The following SPTBN4 variants were observed in gnomAD, a reference collection of about 807,000 sequenced individuals.
The protein encoded by SPTBN4 is spectrin beta chain, non-erythrocytic 4.
In SPTBN4, 96 loss-of-function variants were observed where a neutral mutation model predicts 277.8. The observed-to-expected ratio is 0.35, with a 90% CI of 0.29 to 0.41. The LOEUF (loss-of-function observed/expected upper bound fraction) is 0.41. Ranked by LOEUF, SPTBN4 falls within the 10% of genes least tolerant of loss-of-function variation. SPTBN4 has a pLI of 1.00. For synonymous variants in SPTBN4, 1,481 were observed against 1,580.3 expected (o/e 0.94, Z 1.49); for missense variants, 3,006 against 3,595.7 (o/e 0.84, Z 4.19).
Position 40,549,266 on chromosome 19 carries a change from G to C in SPTBN4, c.4437G>C (p.Glu1479Asp). The C allele has an allele frequency of 6.5e-7, 1 of 1,545,992 alleles. No individual in the cohort carries two copies. The highest frequency in any genetic ancestry group is 1.2e-5 in the South Asian group (1 of 83,910). ...LQAQTAALPL[E>D]PASKELVGER... ...CGCAGACGGCGGCGCTGCCGCTGGA[G>C]CCGGCGAGCAAGGAGCTGGTGGGTG... is the stretch of plus-strand genomic sequence containing the variant. The change falls in exon 21 of 36, where the codon GAG (glutamate) becomes GAC (aspartate). Residue 1479 changes from glutamate to aspartate, a missense_variant. Physicochemically the swap from Glu to Asp is conservative, Grantham distance 45. Around this residue, in one of 5 missense-constraint regions of SPTBN4, gnomAD observed 1,759 missense variants for 2,061.5 expected, o/e 0.85. Transcript: ENST00000598249.
At chr19:40,468,369 C>T (rs2079850008) in intron 1 of SPTBN4, among the ~76,000 whole-genome samples, 1 of 152,242 alleles carries the variant, frequency 6.6e-6, no homozygotes, top group East Asian at 1.9e-4. Flanking sequence ...CGTGAGCCAC[C>T]GCCTGGCCTA....
At chr19:40,520,312 T>C (rs1218288415) in intron 16 of SPTBN4, among the ~76,000 whole-genome samples, 161 bp downstream of exon 16, 1 of 152,088 alleles carries the variant, frequency 6.6e-6, no homozygotes, top group Non-Finnish European at 1.5e-5. Flanking sequence ...ATAACTGAGT[T>C]TGTGGAACAT....
At position 40,504,019 on chromosome 19, in the gene SPTBN4, G is replaced by A. The variant is rs567540866; in HGVS notation, c.1552G>A (p.Ala518Thr). The change falls in exon 12 of 36, where the codon GCC becomes ACC. Residue 518 changes from alanine to threonine, a missense_variant. By Grantham distance (58) the Ala-to-Thr change is moderately conservative. Coordinates refer to ENST00000598249, the MANE Select transcript of SPTBN4 (RefSeq NM_020971.3). ...AQRDSVLRQW[A>T]LLTGLVGARR... The stretch of plus-strand genomic sequence containing the variant: ...GCGTGACAGCGTCCTGCGCCAGTGG[G>A]CCCTGCTAACTGGGCTTGTGGGTGC... 2 of 1,614,028 alleles carry A rather than the reference G, an allele frequency of 1.2e-6. No individual in the cohort carries two copies. The highest frequency in any genetic ancestry group is 2.2e-5 in the South Asian group (2 of 91,086).
In SPTBN4 at chr19:40,565,503, C is replaced by T. The variant is rs755108752; in HGVS notation, c.5996C>T (p.Thr1999Ile). 1 of 1,614,118 alleles carries T rather than the reference C, an allele frequency of 6.2e-7. No homozygotes were observed. Among genetic ancestry groups the T allele is most frequent in the Non-Finnish European group, 8.5e-7 (1 of 1,180,020 alleles). Residue 1999 changes from threonine (T) to isoleucine (I), a missense_variant, in exon 28 of 36, where the codon ACC (threonine) becomes ATC (isoleucine). Physicochemically the swap from Thr to Ile is moderately conservative, Grantham distance 89. This residue lies in a region of SPTBN4 where 425 missense variants were observed against 594.7 expected (regional missense o/e 0.71). Coordinates refer to ENST00000598249, the MANE Select transcript of SPTBN4 (RefSeq NM_020971.3). Reference protein sequence around the residue: ...TELEARVPELTTCQELGRSLL... With the variant: ...TELEARVPELITCQELGRSLL... ...CTGGAGGCGCGGGTGCCTGAGCTGA[C>T]CACCTGCCAGGAGCTGGGGCGATCT...
At chr19:40,541,042 G>A (rs2080796124) in intron 20 of SPTBN4, among the ~76,000 whole-genome samples, 4 of 152,050 alleles carry the variant, frequency 2.6e-5, no homozygotes, top group Non-Finnish European at 5.9e-5. Context: ...ATCTTTCTCA[G>A]TCCGATGGCT....
chr19:40,539,309 G>A (rs189427779), intron 20 of SPTBN4, among the ~76,000 whole-genome samples: 1 of 152,308 alleles, frequency 6.6e-6, no homozygotes, highest in East Asian at 1.9e-4. Context: ...TCCTTGCAAT[G>A]GGAAGGACCT....
chr19:40,557,609 A>G lies in SPTBN4; in HGVS notation c.5670+206A>G, dbSNP rs554237566. Reference sequence around the variant, plus strand: ...ATATAGAAATCAGGTATTGGCAGGGAAAAGTGGTACCTTAGAAGGTCTCAC... The same window carrying G: ...ATATAGAAATCAGGTATTGGCAGGGGAAAGTGGTACCTTAGAAGGTCTCAC... On this transcript the variant is annotated intron_variant, in intron 26 of 35. Coordinates refer to ENST00000598249, the MANE Select transcript of SPTBN4 (RefSeq NM_020971.3). Among the ~76,000 whole-genome samples, 752 of 152,322 alleles carry G rather than the reference A, an allele frequency of 4.9e-3. 9 individuals carry two copies. The highest frequency in any genetic ancestry group is 0.017 in the African/African-American group (721 of 41,578).
chr19:40,500,439 C>G (rs893111951), intron 7 of SPTBN4, among the ~76,000 whole-genome samples: 1 of 152,174 alleles, frequency 6.6e-6, no homozygotes, highest in Non-Finnish European at 1.5e-5. Flanking sequence ...GACATCAAGC[C>G]TTGTGCACAA....
At chr19:40,545,176 A>C (rs986375354) in intron 20 of SPTBN4, among the ~76,000 whole-genome samples, 1 of 151,058 alleles carries the variant, frequency 6.6e-6, no homozygotes, top group Non-Finnish European at 1.5e-5. Flanking sequence ...GCTCACTGCA[A>C]CCTCCACCTC....
chr19:40,554,815 G>A lies in SPTBN4; in HGVS notation c.5084+169G>A. The A allele has an allele frequency of 3.0e-6, 3 of 1,010,356 alleles. No individual in the cohort carries two copies. The highest frequency in any genetic ancestry group is 2.9e-6 in the Non-Finnish European group (2 of 689,186). 62.6% of individuals were successfully genotyped at this position (1,010,356 alleles called of 1,614,324 possible). A position where few individuals can be genotyped will look rare whatever the true frequency, so the allele number is the denominator to read the frequency against. On this transcript the variant is annotated intron_variant, in intron 24 of 35. Coordinates refer to ENST00000598249, the MANE Select transcript of SPTBN4 (RefSeq NM_020971.3). This position sits in a 1 kb window ranked among gnomAD's most constrained non-coding sequence, Gnocchi z 5.7. ...GGGCGGGCCGGAATGGGGGGACACGGCTCAGGGATGGTTGAGAGGGTGGGG... is the reference window on the plus strand; with the variant it reads ...GGGCGGGCCGGAATGGGGGGACACGACTCAGGGATGGTTGAGAGGGTGGGG...
Position 40,502,462 on chromosome 19 carries a change from C to T in SPTBN4, c.1158C>T (p.Arg386=). The T allele has an allele frequency of 6.2e-7, 1 of 1,613,614 alleles. No individual in the cohort carries two copies. Among genetic ancestry groups the T allele is most frequent in the South Asian group, 1.1e-5 (1 of 91,070 alleles). Residue 386 remains arginine, a synonymous_variant, in exon 10 of 36, where the codon CGC becomes CGT. Coordinates refer to ENST00000598249, the MANE Select transcript of SPTBN4 (RefSeq NM_020971.3). The surrounding 1 kb of genome is among the most constrained non-coding windows in gnomAD (Gnocchi z 4.9). ...IQSKLRACNR[R]LFVPREGCGI... is the part of the protein sequence containing the mutation. Reference sequence around the variant, plus strand: ...GCAAACTGCGTGCCTGCAACCGTCGCCTCTTTGTGCCTCGGGAGGGCTGTG... The same window carrying T: ...GCAAACTGCGTGCCTGCAACCGTCGTCTCTTTGTGCCTCGGGAGGGCTGTG...
Position 40,502,994 on chromosome 19 carries a change from G to C in SPTBN4, c.1362+61G>C. The C allele has an allele frequency of 6.4e-7, 1 of 1,561,254 alleles. No homozygotes were observed. The highest frequency in any genetic ancestry group is 8.7e-7 in the Non-Finnish European group (1 of 1,151,776). On this transcript the variant is annotated intron_variant, in intron 11 of 35. Coordinates refer to ENST00000598249, the MANE Select transcript of SPTBN4 (RefSeq NM_020971.3). The surrounding 1 kb of genome is among the most constrained non-coding windows in gnomAD (Gnocchi z 4.9). ...ACGGAGGGCGGGGCTGATGGTCCTG[G>C]GACCAGAGAGGGAGACTTGATCTTC...
intron 31 of SPTBN4, 124 bp from the exon 32 acceptor site, chr19:40,569,533 C>T: frequency 1.1e-6 from 1 of 901,806 alleles, no homozygotes; most frequent in Non-Finnish European, 1.7e-6. Context: ...AGAGAAACAG[C>T]TGCAGAAGTG....
rs2081164514 is a variant in SPTBN4, at chr19:40,572,493, T to C, written c.7536+113T>C. ...AAGGGACACTCACAGGCCAGAGTTA[T>C]CAGGGCTGTAATGGGAAAGCCCACA... On this transcript the variant is annotated intron_variant, in intron 35 of 35. Coordinates refer to ENST00000598249, the MANE Select transcript of SPTBN4 (RefSeq NM_020971.3). 22 of 1,366,408 alleles carry C rather than the reference T, an allele frequency of 1.6e-5. No homozygotes were observed. The South Asian group carries it at 1.9e-4, about 12-fold the overall frequency. The allele number at this position is 1,366,408 out of a possible 1,614,324, so 84.6% of individuals were successfully genotyped here.
At chr19:40,537,107 T>G (rs2080747028) in intron 20 of SPTBN4, among the ~76,000 whole-genome samples, 1 of 152,076 alleles carries the variant, frequency 6.6e-6, no homozygotes, top group Non-Finnish European at 1.5e-5. Flanking sequence ...CCTCCTGGGT[T>G]CAAGCAGTTC....
At chr19:40,536,543 A>G (rs1337383414) in intron 20 of SPTBN4, among the ~76,000 whole-genome samples, 1 of 152,114 alleles carries the variant, frequency 6.6e-6, no homozygotes, top group Admixed American at 6.6e-5. Context: ...ATAGAATAGC[A>G]GTTCTCAAAT....
intron 6 of SPTBN4, 180 bp from the exon 7 acceptor site, chr19:40,497,309 G>A (rs922588596): frequency 3.2e-5 from 19 of 594,560 alleles, no homozygotes; most frequent in Non-Finnish European, 5.1e-5. Flanking sequence ...AGACATGCCC[G>A]CGTCCATCAC....
chr19:40,560,422 C>T lies in SPTBN4; in HGVS notation c.5915+19C>T, dbSNP rs745779342. 1.7e-5 allele frequency: 28 copies of T among 1,613,646 alleles called. 1 individual carries two copies. In the East Asian group the frequency reaches 3.6e-4, roughly 21 times the overall value. ...AGCCCAGGTGCCCCTCATCCCTCCT[C>T]GGGCTTCCTGCCTCCCCCTGGTGGC... On this transcript the variant is annotated intron_variant, in intron 27 of 35. Coordinates refer to ENST00000598249, the MANE Select transcript of SPTBN4 (RefSeq NM_020971.3). This position sits in a 1 kb window ranked among gnomAD's most constrained non-coding sequence, Gnocchi z 5.2.
intron 16 of SPTBN4, among the ~76,000 whole-genome samples, chr19:40,523,232 T>G (rs2080549189): frequency 6.6e-6 from 1 of 151,924 alleles, no homozygotes; most frequent in African/African-American, 2.4e-5. Flanking sequence ...CTGAAGAAAG[T>G]GAAGGAGCCA....
Sources: gnomAD v4.1 joint callset for allele counts (sites outside exome capture counted in the v4.1 genomes callset) on GRCh38, gnomAD v4.1.1 for gene constraint, gnomAD v4.1.1 regional missense constraint, Gnocchi (gnomAD v3.1) non-coding constraint, MANE v1.5 for transcripts, NCBI Gene and HGNC (gene_info 2026-07-23, HGNC 2026-07-21) for gene names.